Variants in GRK5 observed in about 807,000 individuals in gnomAD.
The protein encoded by GRK5 is G protein-coupled receptor kinase 5.
A neutral mutation model predicts 78.4 loss-of-function variants in GRK5; 40 were observed. The ratio of observed to expected loss-of-function variants is 0.51; its 90% CI spans 0.40 to 0.66. GRK5 has a LOEUF of 0.66. GRK5 is among the 30% of genes least tolerant of loss of function. The pLI, the probability that GRK5 is intolerant of heterozygous loss-of-function variation, is 0.00. For missense variants in GRK5, 598 were observed against 759.9 expected, an observed-to-expected ratio of 0.79 and a Z score of 2.50; for synonymous variants, 289 against 296.8, an observed-to-expected ratio of 0.97 and a Z score of 0.27.
intron 1 of GRK5, among the ~76,000 whole-genome samples, chr10:119,323,648 C>T (rs1243492630): frequency 1.3e-5 from 2 of 152,186 alleles, no homozygotes; most frequent in African/African-American, 4.8e-5. Flanking sequence ...TGTGGGGTGC[C>T]TGGCTGTGGG....
intron 1 of GRK5, among the ~76,000 whole-genome samples, chr10:119,254,405 G>A (rs1434337578): frequency 6.6e-6 from 1 of 151,496 alleles, no homozygotes; most frequent in Admixed American, 6.6e-5. Flanking sequence ...TTTGTACTCT[G>A]CTCTTATTCA....
intron 2 of GRK5, among the ~76,000 whole-genome samples, chr10:119,357,833 C>T (rs1214714508): frequency 6.7e-6 from 1 of 148,606 alleles, no homozygotes. Flanking sequence ...TTAGCCATGC[C>T]ATTGGCAGGG....
intron 2 of GRK5, among the ~76,000 whole-genome samples, chr10:119,337,310 C>T (rs931797274): frequency 1.3e-5 from 2 of 152,172 alleles, no homozygotes; most frequent in Non-Finnish European, 2.9e-5. Context: ...AAGGCAGGCT[C>T]TCTCCCCTAC....
intron 2 of GRK5, among the ~76,000 whole-genome samples, chr10:119,370,583 C>T (rs1851530896): frequency 6.6e-6 from 1 of 152,238 alleles, no homozygotes; most frequent in African/African-American, 2.4e-5. Flanking sequence ...CCTGCGCCTT[C>T]CAAGGGGCGG....
At chr10:119,448,864 A>G (rs1232421506) in intron 13 of GRK5, among the ~76,000 whole-genome samples, 4 of 152,212 alleles carry the variant, frequency 2.6e-5, no homozygotes, top group Admixed American at 1.3e-4. Flanking sequence ...CATGGTCTAT[A>G]AATCATGAGC....
chr10:119,258,970 G>C (rs1204643361), intron 1 of GRK5, among the ~76,000 whole-genome samples: 1 of 152,156 alleles, frequency 6.6e-6, no homozygotes, highest in Non-Finnish European at 1.5e-5. Flanking sequence ...AAGGGTATTT[G>C]GAAGTCTGGC....
intron 3 of GRK5, 64 bp from the exon 4 acceptor site, chr10:119,396,631 T>G: frequency 7.4e-7 from 1 of 1,355,118 alleles, no homozygotes; most frequent in Non-Finnish European, 1.1e-6. Flanking sequence ...GGCTGTGAGG[T>G]TCTGTAACTA....
At position 119,452,841 on chromosome 10, in the gene GRK5, G is replaced by C; in HGVS notation, c.1542+33G>C. On this transcript the variant is annotated intron_variant, in intron 14 of 15. Coordinates refer to ENST00000392870, the MANE Select transcript of GRK5 (RefSeq NM_005308.3). The surrounding 1 kb of genome is among the most constrained non-coding windows in gnomAD (Gnocchi z 4.4). ...GGGCAGACCACTTGCTTTGGTCTGG[G>C]TGGGAGGGAGGGACTGACGGGTGGA... is the stretch of plus-strand genomic sequence containing the variant. 1 of 1,546,296 alleles carries C rather than the reference G, an allele frequency of 6.5e-7. No individual in the cohort carries two copies. The highest frequency in any genetic ancestry group is 8.9e-7 in the Non-Finnish European group (1 of 1,124,564).
rs981803396 is a variant in GRK5, at chr10:119,445,806, T to C, written c.1266+2054T>C. Among the ~76,000 whole-genome samples the C allele has an allele frequency of 5.3e-5, 8 of 152,168 alleles. No homozygotes were observed. Among genetic ancestry groups the C allele is most frequent in the African/African-American group, 1.2e-4 (5 of 41,440 alleles). On this transcript the variant is annotated intron_variant, in intron 12 of 15. Coordinates refer to ENST00000392870, the MANE Select transcript of GRK5 (RefSeq NM_005308.3). The surrounding 1 kb of genome is among the most constrained non-coding windows in gnomAD (Gnocchi z 4.1). ...GGTTCACAGGGCTATTTCTAGGCTC[T>C]GGTGGCTCCAGCCCTGCCTGCCTAA...
intron 5 of GRK5, among the ~76,000 whole-genome samples, chr10:119,423,886 G>A (rs567380014): frequency 1.3e-5 from 2 of 152,196 alleles, no homozygotes; most frequent in Non-Finnish European, 2.9e-5. Flanking sequence ...GATCTTAGGG[G>A]CTTTTTGTGT....
intron 1 of GRK5, among the ~76,000 whole-genome samples, chr10:119,269,209 G>A (rs955810976): frequency 8.5e-5 from 13 of 152,196 alleles, no homozygotes; most frequent in Admixed American, 3.3e-4. Flanking sequence ...ATGACCTGAC[G>A]CGTTCCCCCT....
At chr10:119,386,886 C>A (rs570859258) in intron 3 of GRK5, among the ~76,000 whole-genome samples, 1 of 152,192 alleles carries the variant, frequency 6.6e-6, no homozygotes, top group Non-Finnish European at 1.5e-5. Flanking sequence ...ACTCGGCCAG[C>A]GCCATCCACG....
chr10:119,237,229 A>G (rs1848950056), intron 1 of GRK5, among the ~76,000 whole-genome samples: 1 of 151,922 alleles, frequency 6.6e-6, no homozygotes, highest in South Asian at 2.1e-4. Context: ...TTCCCAGCTA[A>G]GTTTTGTATT....
At chr10:119,364,292 G>T (rs1003492829) in intron 2 of GRK5, among the ~76,000 whole-genome samples, 13 of 152,212 alleles carry the variant, frequency 8.5e-5, no homozygotes, top group African/African-American at 2.9e-4. Context: ...GGTTCCCTTG[G>T]GGGTGGAGCT....
chr10:119,423,338 AC>A, intron 5 of GRK5, 72 bp downstream of exon 5: 1 of 1,037,238 alleles, frequency 9.6e-7, no homozygotes, highest in Non-Finnish European at 1.5e-6. Flanking sequence ...TCTCCACCTG[AC>A]CATACAGGGC....
Position 119,430,194 on chromosome 10 carries a change from T to A in GRK5, c.534-181T>A, listed in dbSNP as rs1564932107. ...GCCAGGGGGCTTGGGATTTGAACAC[T>A]CAGCTTCAGACTAAGTCCTCGAAGG... On this transcript the variant is annotated intron_variant, in intron 6 of 15. Transcript: ENST00000392870. The surrounding 1 kb of genome is among the most constrained non-coding windows in gnomAD (Gnocchi z 4.5). 6.6e-6 allele frequency among the ~76,000 whole-genome samples: 1 copy of A among 152,022 alleles called. No individual in the cohort carries two copies. The highest frequency in any genetic ancestry group is 1.5e-5 in the Non-Finnish European group (1 of 67,976).
Position 119,271,403 on chromosome 10 carries a change from A to G in GRK5, c.53-55113A>G, listed in dbSNP as rs1338295794. ...CCTTCTATTGTTTGCTGTCCCAGAG[A>G]CTGGCTGAAACAATGTGTTTCCTAC... is the stretch of plus-strand genomic sequence containing the variant. On this transcript the variant is annotated intron_variant, in intron 1 of 15. Transcript: ENST00000392870. The surrounding 1 kb of genome is among the most constrained non-coding windows in gnomAD (Gnocchi z 4.1). Among the ~76,000 whole-genome samples the G allele has an allele frequency of 6.6e-6, 1 of 152,244 alleles. No individual in the cohort carries two copies. Among genetic ancestry groups the G allele is most frequent in the Admixed American group, 6.5e-5 (1 of 15,288 alleles).
Position 119,445,410 on chromosome 10 carries a change from G to A in GRK5, c.1266+1658G>A, listed in dbSNP as rs1039436149. 6.6e-6 allele frequency among the ~76,000 whole-genome samples: 1 copy of A among 152,044 alleles called. No homozygotes were observed. Among genetic ancestry groups the A allele is most frequent in the Admixed American group, 6.5e-5 (1 of 15,270 alleles). ...GGACGTACTAAGAGGATGACGAGGC[G>A]GAGAGGGCCCCAGTCCCACCCCCAG... On this transcript the variant is annotated intron_variant, in intron 12 of 15. Transcript: ENST00000392870. This position sits in a 1 kb window ranked among gnomAD's most constrained non-coding sequence, Gnocchi z 4.1.
chr10:119,298,509 G>T (rs1850120976), intron 1 of GRK5, among the ~76,000 whole-genome samples: 1 of 152,118 alleles, frequency 6.6e-6, no homozygotes, highest in Admixed American at 6.5e-5. Flanking sequence ...GGTGTTCTCG[G>T]CATCTCAAAC....
Sources: allele counts gnomAD v4.1 joint callset (sites outside exome capture counted in the v4.1 genomes callset), GRCh38; gene constraint gnomAD v4.1.1; non-coding constraint Gnocchi (gnomAD v3.1); transcripts MANE v1.5; gene names NCBI Gene and HGNC (gene_info 2026-07-23, HGNC 2026-07-21).